RASA3: variants seen among roughly 807,000 people sequenced by gnomAD.
RASA3 encodes RAS p21 protein activator 3.
In RASA3, 73 loss-of-function variants were observed where a neutral mutation model predicts 110.0. The observed-to-expected ratio is 0.66, with a 90% CI of 0.55 to 0.81. The LOEUF is 0.81. RASA3 is among the 30% of genes least tolerant of loss of function. The probability of loss-of-function intolerance (pLI) is 0.00; values close to 1 mark genes in which losing one functional copy is unlikely to be tolerated. For missense variants in RASA3, 976 were observed against 1,113.2 expected, an observed-to-expected ratio of 0.88 and a Z score of 1.75; for synonymous variants, 500 against 451.4, an observed-to-expected ratio of 1.11 and a Z score of -1.37.
At chr13:114,060,189 G>A (rs763427245) in intron 2 of RASA3, among the ~76,000 whole-genome samples, 6 of 152,250 alleles carry the variant, frequency 3.9e-5, no homozygotes, top group Non-Finnish European at 8.8e-5. Flanking sequence ...AGGCTGACGT[G>A]GCCTGGGCAG....
Position 114,000,926 on chromosome 13 carries a change from C to T in RASA3, c.1749G>A (p.Met583Ile). Residue 583 changes from methionine (M) to isoleucine (I), a missense_variant, in exon 19 of 24, where the codon ATG becomes ATA. Met to Ile is a conservative substitution (Grantham distance 10). Around this residue, in one of 4 missense-constraint regions of RASA3, gnomAD observed 732 missense variants for 779.7 expected, o/e 0.94. Coordinates refer to ENST00000334062, the MANE Select transcript of RASA3 (RefSeq NM_007368.4). ...EQPIVLKEGF[M>I]IKRAQGRKRF... ...GCTTCCGTCCTTGGGCCCTCTTGAT[C>T]ATGAACCTGTGTGAAGAGCACACAG... 1.2e-6 allele frequency: 2 copies of T among 1,611,718 alleles called. No individual in the cohort carries two copies. The highest frequency in any genetic ancestry group is 1.7e-6 in the Non-Finnish European group (2 of 1,178,002).
At chr13:114,016,592 C>T (rs1246499843) in intron 12 of RASA3, among the ~76,000 whole-genome samples, 1 of 152,190 alleles carries the variant, frequency 6.6e-6, no homozygotes. Flanking sequence ...TCAGACGAGC[C>T]GGGCTCTCTC....
rs547184987 is a variant in RASA3 at position 114,056,363 on chromosome 13, G to A, written c.174-4208C>T. 189 of 842,294 alleles carry A rather than the reference G, an allele frequency of 2.2e-4. No individual in the cohort carries two copies. Among genetic ancestry groups the A allele is most frequent in the Non-Finnish European group, 2.5e-4 (178 of 699,400 alleles). 52.2% of individuals were successfully genotyped at this position (842,294 alleles called of 1,614,324 possible). On this transcript the variant is annotated intron_variant, in intron 2 of 23. Transcript: ENST00000334062. This position sits in a 1 kb window ranked among gnomAD's most constrained non-coding sequence, Gnocchi z 5.7. Reference sequence around the variant, plus strand: ...AGCACACCCCACAAACGGGCGCCGCGCACCTGGCATTTAACCCTGCACACT... The same window carrying A: ...AGCACACCCCACAAACGGGCGCCGCACACCTGGCATTTAACCCTGCACACT...
At chr13:113,981,545 G>C (rs75698006) in intron 23 of RASA3, 130 bp downstream of exon 23, 117,881 of 1,015,078 alleles carry the variant, frequency 0.12, 7,984 homozygotes, top group Middle Eastern at 0.17. Context: ...CGGTGCAAGT[G>C]GGACTCTCCT....
At chr13:114,038,349 G>T (rs1211983453) in intron 4 of RASA3, among the ~76,000 whole-genome samples, 2 of 152,274 alleles carry the variant, frequency 1.3e-5, no homozygotes, top group Admixed American at 1.3e-4. Context: ...GGAGCAGCAC[G>T]CTGGGGCCCT....
chr13:114,130,576 G>A (rs868197322), intron 1 of RASA3, among the ~76,000 whole-genome samples: 4 of 151,998 alleles, frequency 2.6e-5, no homozygotes, highest in Non-Finnish European at 2.9e-5. Flanking sequence ...CCCGCAGGCC[G>A]GTGAAGCTGC....
intron 4 of RASA3, among the ~76,000 whole-genome samples, chr13:114,030,471 G>GACTCAC (rs1477922213): frequency 1.7e-5 from 2 of 116,296 alleles, no homozygotes; most frequent in African/African-American, 5.9e-5. Context: ...CAGAGGGCAA[G>GACTCAC]GCTCACACAG....
intron 10 of RASA3, among the ~76,000 whole-genome samples, chr13:114,018,484 G>A (rs927978530): frequency 6.6e-6 from 1 of 152,328 alleles, no homozygotes; most frequent in South Asian, 2.1e-4. Flanking sequence ...CCAGCTCTAG[G>A]GCCCCTGAGC....
intron 2 of RASA3, among the ~76,000 whole-genome samples, chr13:114,070,609 G>A (rs919696453): frequency 4.6e-5 from 7 of 151,828 alleles, no homozygotes; most frequent in South Asian, 2.1e-4. Context: ...ACTAAACGGC[G>A]CCAGTGTTAC....
intron 1 of RASA3, among the ~76,000 whole-genome samples, chr13:114,131,397 G>A (rs953722340): frequency 6.6e-5 from 10 of 152,116 alleles, no homozygotes; most frequent in African/African-American, 2.2e-4. Context: ...GCATGAATAT[G>A]GAACAGTCAC....
chr13:114,124,909 A>G (rs767646151), intron 1 of RASA3, among the ~76,000 whole-genome samples: 29 of 152,090 alleles, frequency 1.9e-4, no homozygotes, highest in Non-Finnish European at 3.4e-4. Flanking sequence ...ATAGTTGCAC[A>G]TTGATGCATA....
chr13:114,106,092 G>A lies in RASA3; in HGVS notation c.55+26343C>T, dbSNP rs150485047. Among the ~76,000 whole-genome samples the A allele has an allele frequency of 8.7e-3, 1,332 of 152,296 alleles. 21 individuals are homozygous for A. Among genetic ancestry groups the A allele is most frequent in the African/African-American group, 0.031 (1,275 of 41,560 alleles). On this transcript the variant is annotated intron_variant, in intron 1 of 23. Coordinates refer to ENST00000334062, the MANE Select transcript of RASA3 (RefSeq NM_007368.4). ...GGTGCACATCGCAGAGCGGCACACG[G>A]CAGCCTCCGGATGGGCGCATGGCAG...
chr13:114,081,733 T>C (rs1238859143), intron 1 of RASA3, among the ~76,000 whole-genome samples: 1 of 152,080 alleles, frequency 6.6e-6, no homozygotes, highest in Non-Finnish European at 1.5e-5. Context: ...CACTGGCGGC[T>C]GAAAACACCC....
At chr13:114,039,202 G>C (rs1250807994) in intron 4 of RASA3, among the ~76,000 whole-genome samples, 1 of 152,050 alleles carries the variant, frequency 6.6e-6, no homozygotes, top group Non-Finnish European at 1.5e-5. Flanking sequence ...TCCCAGGGCC[G>C]CTGTGCTGCA....
intron 7 of RASA3, among the ~76,000 whole-genome samples, chr13:114,025,048 C>T (rs1050764748): frequency 5.3e-5 from 8 of 151,802 alleles, no homozygotes; most frequent in South Asian, 2.1e-4. Flanking sequence ...CCTGGAGTTC[C>T]GATTTAACCA....
At chr13:114,068,602 C>A (rs1000228876) in intron 2 of RASA3, among the ~76,000 whole-genome samples, 4 of 152,168 alleles carry the variant, frequency 2.6e-5, no homozygotes, top group African/African-American at 7.2e-5. Flanking sequence ...GTTTTAGGGT[C>A]GTGGGTGCCG....
intron 1 of RASA3, among the ~76,000 whole-genome samples, chr13:114,126,651 T>C (rs2080454359): frequency 6.6e-6 from 1 of 152,214 alleles, no homozygotes; most frequent in Admixed American, 6.5e-5. Flanking sequence ...TTTCAAATTA[T>C]ATATTTGCTT....
chr13:114,022,270 T>C (rs1481568205), intron 8 of RASA3, among the ~76,000 whole-genome samples: 1 of 152,192 alleles, frequency 6.6e-6, no homozygotes, highest in East Asian at 1.9e-4. Flanking sequence ...GGATGGTACG[T>C]GTCCCCTCAG....
intron 2 of RASA3, among the ~76,000 whole-genome samples, chr13:114,055,021 G>C (rs1320727169): frequency 2.0e-5 from 3 of 151,906 alleles, no homozygotes; most frequent in Non-Finnish European, 4.4e-5. Context: ...TGTGCCCACA[G>C]GCATGTGTGT....
Sources: allele counts gnomAD v4.1 joint callset (sites outside exome capture counted in the v4.1 genomes callset), GRCh38; gene constraint gnomAD v4.1.1; regional missense constraint gnomAD v4.1.1; non-coding constraint Gnocchi (gnomAD v3.1); transcripts MANE v1.5; gene names NCBI Gene and HGNC (gene_info 2026-07-23, HGNC 2026-07-21).